Variants in NLRP5 observed in about 807,000 individuals in gnomAD.
NLRP5 encodes NLR family pyrin domain containing 5.
A neutral mutation model predicts 113.1 loss-of-function variants in NLRP5; 93 were observed. That is an observed-to-expected ratio of 0.82 (90% CI 0.70 to 0.98). The LOEUF (loss-of-function observed/expected upper bound fraction) is 0.98, where lower values mean the gene tolerates loss of function less well. Among genes scored for constraint, NLRP5 ranks in the 50% least tolerant of loss-of-function variants. The probability of loss-of-function intolerance (pLI) is 0.00; values close to 1 mark genes in which losing one functional copy is unlikely to be tolerated. For synonymous variants in NLRP5, 751 were observed against 600.7 expected (o/e 1.25, Z -3.66); for missense variants, 1,808 against 1,514.3 (o/e 1.19, Z -3.22).
chr19:55,997,492 T>A (rs1599872253), upstream of NLRP5, among the ~76,000 whole-genome samples: 1 of 152,256 alleles, frequency 6.6e-6, no homozygotes, highest in South Asian at 2.1e-4. Context: ...TCCCTCCCCT[T>A]CAATTCTCGG....
intron 11 of NLRP5, among the ~76,000 whole-genome samples, chr19:56,042,843 T>C (rs755350833): frequency 2.6e-5 from 4 of 152,250 alleles, no homozygotes; most frequent in South Asian, 4.1e-4. Context: ...AGTGAAAATA[T>C]ACGATGTTTG....
At chr19:56,043,539 A>ATT (rs1568498691) in intron 11 of NLRP5, among the ~76,000 whole-genome samples, 1 of 27,032 alleles carries the variant, frequency 3.7e-5, no homozygotes, top group East Asian at 1.2e-3. Context: ...TTACTCTGCT[A>ATT]TTCTTTTTTT....
At chr19:56,055,665 C>T (rs1469944386) in intron 13 of NLRP5, among the ~76,000 whole-genome samples, 2 of 150,622 alleles carry the variant, frequency 1.3e-5, no homozygotes, top group Non-Finnish European at 3.0e-5. Context: ...CCTGCCTCAG[C>T]CTCCCAAGTA....
rs1023734321 is a variant in NLRP5 at position 56,028,052 on chromosome 19, C to T, written c.1819C>T (p.Leu607Phe). 1 of 1,614,008 alleles carries T rather than the reference C, an allele frequency of 6.2e-7. No homozygotes were observed. The highest frequency in any genetic ancestry group is 8.5e-7 in the Non-Finnish European group (1 of 1,179,884). Residue 607 changes from leucine (L) to phenylalanine (F), a missense_variant, in exon 7 of 15, where the codon CTC becomes TTC. Leu to Phe is a conservative substitution (Grantham distance 22). Transcript: ENST00000390649. ...AGAGGGCCTGGAAATCGAGCCAGCT[C>T]TCTGCCCTCTGTACGTTGAGAAGAC...
In NLRP5 at chr19:56,048,457, CTG is replaced by C. The variant is rs202014124; in HGVS notation, c.2958-1959_2958-1958del. Reference sequence around the variant, plus strand: ...TCAGCATTTGTCTGTCTGAAAAAGACTGTATCTTTCCTTCATATAAAATGCTT... The same window carrying C: ...TCAGCATTTGTCTGTCTGAAAAAGACTATCTTTCCTTCATATAAAATGCTT... On this transcript the variant is annotated intron_variant, in intron 11 of 14. Coordinates refer to ENST00000390649, the MANE Select transcript of NLRP5 (RefSeq NM_153447.4). Among the ~76,000 whole-genome samples the C allele has an allele frequency of 5.2e-3, 785 of 152,262 alleles. 5 individuals carry two copies. The highest frequency in any genetic ancestry group is 7.5e-3 in the Non-Finnish European group (508 of 68,022).
chr19:56,013,332 A>G (rs1409274064), intron 3 of NLRP5, among the ~76,000 whole-genome samples: 1 of 152,046 alleles, frequency 6.6e-6, no homozygotes, highest in Admixed American at 6.6e-5. Flanking sequence ...AGCTGGGACT[A>G]CAGGTGCCTA....
intron 11 of NLRP5, among the ~76,000 whole-genome samples, chr19:56,046,707 A>ATT (rs575082603): frequency 6.7e-6 from 1 of 149,474 alleles, no homozygotes; most frequent in Non-Finnish European, 1.5e-5. Flanking sequence ...CGGCCGGCTA[A>ATT]TTTTTTTTTT....
intron 11 of NLRP5, among the ~76,000 whole-genome samples, chr19:56,046,765 C>T (rs1370470552): frequency 1.3e-5 from 2 of 152,148 alleles, no homozygotes; most frequent in African/African-American, 2.4e-5. Context: ...ATCTCCTGAC[C>T]TCGTGATCTG....
rs574300718 is a variant in NLRP5 at position 56,002,721 on chromosome 19, C to T, written c.63-995C>T. 9.4e-3 allele frequency among the ~76,000 whole-genome samples: 1,266 copies of T among 135,244 alleles called. 7 individuals carry two copies. The highest frequency in any genetic ancestry group is 0.018 in the African/African-American group (616 of 33,580). The allele number at this position is 135,244 out of a possible 152,430, so 88.7% of individuals were successfully genotyped here. ...ATGAGTGAGAACATGCAGTGTTTGG[C>T]TTTTTGTCCTTGCGATAGTTTGCTG... On this transcript the variant is annotated intron_variant, in intron 1 of 14. Transcript: ENST00000390649.
chr19:56,012,038 A>G (rs2903527), intron 3 of NLRP5, among the ~76,000 whole-genome samples: 51,239 of 151,954 alleles, frequency 0.34, 8,812 homozygotes, highest in Non-Finnish European at 0.36. Flanking sequence ...CATCTCTTAC[A>G]TGGTGAATCT....
At chr19:55,987,595 C>T in the NLRP5 span, among the ~76,000 whole-genome samples, 1 of 152,106 alleles carries the variant, frequency 6.6e-6, no homozygotes, top group Admixed American at 6.6e-5. Context: ...AATGGCTTGC[C>T]TGGGGTAGAA....
chr19:56,034,669 G>A (rs1221172065), intron 9 of NLRP5, among the ~76,000 whole-genome samples: 1 of 152,132 alleles, frequency 6.6e-6, no homozygotes, highest in Non-Finnish European at 1.5e-5. Flanking sequence ...AATCGGTGTG[G>A]TACATCGTCG....
chr19:56,033,192 A>T (rs564389320), intron 8 of NLRP5, among the ~76,000 whole-genome samples: 3 of 152,144 alleles, frequency 2.0e-5, no homozygotes. Context: ...TGGAGGTTGC[A>T]GTGAGCCAAG....
chr19:56,046,993 G>C (rs1326455533), intron 11 of NLRP5, among the ~76,000 whole-genome samples: 2 of 152,126 alleles, frequency 1.3e-5, no homozygotes, highest in Non-Finnish European at 2.9e-5. Flanking sequence ...ATCTTTCTAG[G>C]AATTTATCCA....
At chr19:55,987,924 C>T in the NLRP5 span, 1 of 1,591,036 alleles carries the variant, frequency 6.3e-7, no homozygotes, top group Non-Finnish European at 8.6e-7. Context: ...GCCGTCCAGT[C>T]ATCTTTCTCT....
chr19:56,053,708 C>T lies in NLRP5; in HGVS notation c.3199C>T (p.Leu1067=), dbSNP rs371415821. ...CTGTGTGATCTCGAGGAGCAGACAC[C>T]TGAAGAGCCTGGATCTCACGGACAA... Residue 1067 remains leucine, a synonymous_variant, in exon 13 of 15, where the codon CTG becomes TTG. Coordinates refer to ENST00000390649, the MANE Select transcript of NLRP5 (RefSeq NM_153447.4). The T allele has an allele frequency of 2.1e-5, 34 of 1,613,766 alleles. No homozygotes were observed. The highest frequency in any genetic ancestry group is 2.5e-5 in the Non-Finnish European group (30 of 1,179,882).
intron 6 of NLRP5, among the ~76,000 whole-genome samples, chr19:56,024,412 G>T (rs1243058531): frequency 5.0e-5 from 6 of 119,266 alleles, no homozygotes; most frequent in African/African-American, 2.0e-4. Flanking sequence ...GTACATATAT[G>T]TATATATGTT....
At chr19:56,002,954 C>A (rs1175980208) in intron 1 of NLRP5, among the ~76,000 whole-genome samples, 2 of 151,896 alleles carry the variant, frequency 1.3e-5, no homozygotes, top group African/African-American at 4.8e-5. Context: ...AGTCAGGAAA[C>A]AACAGGTGCT....
At chr19:56,046,829 G>A (rs1050891050) in intron 11 of NLRP5, among the ~76,000 whole-genome samples, 8 of 152,228 alleles carry the variant, frequency 5.3e-5, no homozygotes, top group African/African-American at 1.9e-4. Flanking sequence ...ATCGCGCCCA[G>A]CCACCACTTC....
Sources: allele counts gnomAD v4.1 joint callset (sites outside exome capture counted in the v4.1 genomes callset), GRCh38; gene constraint gnomAD v4.1.1; transcripts MANE v1.5; gene names NCBI Gene and HGNC (gene_info 2026-07-23, HGNC 2026-07-21).